Variants in CRELD2 observed in about 807,000 individuals in gnomAD.
The protein encoded by CRELD2 is CRELD disulfide isomerase 2, also known as protein disulfide isomerase CRELD2.
In CRELD2, 33 loss-of-function variants were observed where a neutral mutation model predicts 48.1. The ratio of observed to expected loss-of-function variants is 0.69; its 90% CI spans 0.52 to 0.92. The LOEUF is 0.92. Among genes scored for constraint, CRELD2 ranks in the 40% least tolerant of loss-of-function variants. CRELD2 has a pLI of 0.00. For missense variants in CRELD2, 477 were observed against 482.4 expected (o/e 0.99, Z 0.10); for synonymous variants, 220 against 203.9 (o/e 1.08, Z -0.67).
chr22:49,920,572 C>T (rs1569183585), intron 4 of CRELD2, among the ~76,000 whole-genome samples: 1 of 152,216 alleles, frequency 6.6e-6, no homozygotes, highest in South Asian at 2.1e-4. Flanking sequence ...ACTGACCTGT[C>T]CAGGTGCTTC....
chr22:49,920,737 C>A (rs1601839304), intron 4 of CRELD2, among the ~76,000 whole-genome samples: 2 of 152,242 alleles, frequency 1.3e-5, no homozygotes, highest in Non-Finnish European at 2.9e-5. Flanking sequence ...TGCATTGAAA[C>A]TGAAGTCACG....
intron 1 of CRELD2, 101 bp downstream of exon 1, chr22:49,918,999 GGATC>G (rs998429874): frequency 7.5e-6 from 8 of 1,067,090 alleles, no homozygotes; most frequent in African/African-American, 6.5e-5. Flanking sequence ...CCCTCACCCT[GGATC>G]CGGGGTCCCC....
chr22:49,920,716 G>C (rs927542150), intron 4 of CRELD2, among the ~76,000 whole-genome samples: 3 of 152,238 alleles, frequency 2.0e-5, no homozygotes, highest in Non-Finnish European at 4.4e-5. Context: ...GGGCTCTTCT[G>C]TGAAGAAGTG....
chr22:49,920,179 T>G lies in CRELD2; in HGVS notation c.347T>G (p.Phe116Cys), dbSNP rs767327101. The G allele has an allele frequency of 6.2e-7, 1 of 1,612,962 alleles. No individual in the cohort carries two copies. Among genetic ancestry groups the G allele is most frequent in the Non-Finnish European group, 8.5e-7 (1 of 1,179,216 alleles). ...AGGAAGAGCGAATATCCTGACTTAT[T>G]CGAGTGGTTTTGTGTGAAGACACTG... ...LQLKSEYPDLFEWFCVKTLKV... is the reference protein window; with the variant it reads ...LQLKSEYPDLCEWFCVKTLKV... The change falls in exon 4 of 10, where the codon TTC becomes TGC. Residue 116 changes from phenylalanine to cysteine, a missense_variant. Physicochemically the swap from Phe to Cys is radical, Grantham distance 205 (BLOSUM62 -2). Transcript: ENST00000328268.
chr22:49,922,004 A>G (rs1208314367), intron 5 of CRELD2: 51 of 603,186 alleles, frequency 8.5e-5, no homozygotes, highest in African/African-American at 1.9e-5. Context: ...CTCTAGTTCA[A>G]GGTCCACCCC....
At chr22:49,924,269 C>T (rs2060733990) in intron 7 of CRELD2, 91 bp from the exon 8 acceptor site, 1 of 850,012 alleles carries the variant, frequency 1.2e-6, no homozygotes, top group South Asian at 1.6e-5. Flanking sequence ...AAACCCAAAT[C>T]CTGGCGGCAC....
chr22:49,923,807 T>G, intron 7 of CRELD2: 1 of 266,122 alleles, frequency 3.8e-6, no homozygotes, highest in African/African-American at 2.3e-5. Context: ...ACATTCCTTA[T>G]GATTTTCTGT....
chr22:49,923,145 C>G, intron 6 of CRELD2, 89 bp from the exon 7 acceptor site: 2 of 1,082,862 alleles, frequency 1.8e-6, no homozygotes, highest in Non-Finnish European at 2.6e-6. Flanking sequence ...CCGGCCCTGG[C>G]CACGGGCTGT....
chr22:49,924,210 G>C (rs1415135774), intron 7 of CRELD2, 150 bp from the exon 8 acceptor site: 1 of 581,250 alleles, frequency 1.7e-6, no homozygotes, highest in Admixed American at 2.8e-5. Context: ...GCTTTTGCCG[G>C]GAGACAGAGA....
chr22:49,925,469 C>T lies in CRELD2; in HGVS notation c.921C>T (p.Asn307=). Residue 307 remains asparagine, a synonymous_variant, in exon 9 of 10, where the codon AAC becomes AAT. Transcript: ENST00000328268. ...AAACCTGTGTGAGGAAAAACGAAAA[C>T]TGCTACAATACTCCAGGGAGCTACG... is the stretch of plus-strand genomic sequence containing the variant. The part of the protein sequence containing the change: ...AEKTCVRKNE[N]CYNTPGSYVC... 1 of 1,613,926 alleles carries T rather than the reference C, an allele frequency of 6.2e-7. No homozygotes were observed.
chr22:49,923,401 T>C (rs7410318), intron 7 of CRELD2, 84 bp downstream of exon 7: 213,084 of 1,031,966 alleles, frequency 0.21, 25,960 homozygotes, highest in African/African-American at 0.48. Context: ...GGCTTCTTAG[T>C]GTCACTTCCA....
intron 1 of CRELD2, 72 bp downstream of exon 1, chr22:49,918,970 C>T: frequency 8.0e-7 from 1 of 1,246,226 alleles, no homozygotes. Flanking sequence ...GGGGTCGCCC[C>T]ACCTTGGGCC....
chr22:49,918,873 G>A lies in CRELD2; in HGVS notation c.104G>A (p.Arg35Gln). The A allele has an allele frequency of 5.4e-6, 7 of 1,297,790 alleles. No individual in the cohort carries two copies. Among genetic ancestry groups the A allele is most frequent in the Non-Finnish European group, 5.9e-6 (6 of 1,024,310 alleles). The allele number at this position is 1,297,790 out of a possible 1,614,324, so 80.4% of individuals were successfully genotyped here. ...AKKPTPCHRC[R>Q]GLVDKFNQGM... is the part of the protein sequence containing the mutation. ...AAGCCGACGCCCTGCCACCGGTGCC[G>A]GGGGCTGGTGGACAAGTTTAACCAG... The change falls in exon 1 of 10, where the codon CGG becomes CAG. Residue 35 changes from arginine to glutamine, a missense_variant. Coordinates refer to ENST00000328268, the MANE Select transcript of CRELD2 (RefSeq NM_024324.5).
chr22:49,921,512 G>A (rs772929573), intron 4 of CRELD2, 73 bp from the exon 5 acceptor site: 31 of 1,486,078 alleles, frequency 2.1e-5, no homozygotes, highest in East Asian at 9.3e-5. Context: ...GGTGCCATGC[G>A]TTCTCTCCGT....
In CRELD2 at chr22:49,919,966, C is replaced by G. The variant is rs190455134; in HGVS notation, c.323+126C>G. 19 of 824,534 alleles carry G rather than the reference C, an allele frequency of 2.3e-5. No homozygotes were observed. In the East Asian group the frequency reaches 5.0e-4, roughly 22 times the overall value. 51.1% of individuals were successfully genotyped at this position (824,534 alleles called of 1,614,324 possible). A position where few individuals can be genotyped will look rare whatever the true frequency, so the allele number is the denominator to read the frequency against. Reference sequence around the variant, plus strand: ...CACCTGCCTCGCACCCACCTTACCCCTGCATTACCGTTTTTTATCACCAGA... The same window carrying G: ...CACCTGCCTCGCACCCACCTTACCCGTGCATTACCGTTTTTTATCACCAGA... On this transcript the variant is annotated intron_variant, in intron 3 of 9. Transcript: ENST00000328268.
At chr22:49,925,022 T>TCG (rs1438365364) in intron 8 of CRELD2, 1 of 164,228 alleles carries the variant, frequency 6.1e-6, no homozygotes, top group Non-Finnish European at 1.3e-5. Flanking sequence ...TCCCAGCTAC[T>TCG]CGGGGGGCTG....
At chr22:49,923,789 A>C in intron 7 of CRELD2, 1 of 269,308 alleles carries the variant, frequency 3.7e-6, no homozygotes, top group South Asian at 3.8e-5. Flanking sequence ...CTTGAAGGTA[A>C]ACTTTTCACA....
intron 1 of CRELD2, 126 bp downstream of exon 1, chr22:49,919,024 A>C: frequency 1.2e-6 from 1 of 861,644 alleles, no homozygotes; most frequent in Non-Finnish European, 1.7e-6. Flanking sequence ...CTCACCCTGG[A>C]TTCGGGATCC....
chr22:49,926,246 C>T (rs943047758), intron 9 of CRELD2: 1 of 152,316 alleles, frequency 6.6e-6, no homozygotes, highest in Non-Finnish European at 1.5e-5. Flanking sequence ...TGGTAAAGAC[C>T]CTATTTCCAA....
Sources: allele counts gnomAD v4.1 joint callset (sites outside exome capture counted in the v4.1 genomes callset), GRCh38; gene constraint gnomAD v4.1.1; transcripts MANE v1.5; gene names NCBI Gene and HGNC (gene_info 2026-07-23, HGNC 2026-07-21).